LRP1: variants seen among roughly 807,000 people sequenced by gnomAD.
LRP1 encodes LDL receptor related protein 1.
A neutral mutation model predicts 541.5 loss-of-function variants in LRP1; 51 were observed. The ratio of observed to expected loss-of-function variants is 0.09; its 90% CI spans 0.08 to 0.12. The LOEUF is 0.12. Ranked by LOEUF, LRP1 falls within the 10% of genes least tolerant of loss-of-function variation. The pLI is 1.00. For synonymous variants in LRP1, 2,219 were observed against 2,470.8 expected (o/e 0.90, Z 3.02); for missense variants, 3,878 against 6,376.2 (o/e 0.61, Z 13.34).
chr12:57,148,869 G>A lies in LRP1; in HGVS notation c.841+3379G>A, dbSNP rs544309651. ...AAGAAGGAGGTGGCTGGGGAGCTCA[G>A]CAAAGGGCCCCTAGGCTGCAGGCAG... On this transcript the variant is annotated intron_variant, in intron 6 of 88. Transcript: ENST00000243077. 4.3e-5 allele frequency: 21 copies of A among 489,060 alleles called. 1 individual carries two copies. The Admixed American group carries it at 7.7e-4, about 18-fold the overall frequency. The allele number at this position is 489,060 out of a possible 1,614,324, so 30.3% of individuals were successfully genotyped here.
At position 57,180,037 on chromosome 12, in the gene LRP1, C is replaced by T; in HGVS notation, c.5142-10C>T. The T allele has an allele frequency of 6.2e-7, 1 of 1,613,676 alleles. No individual in the cohort carries two copies. The highest frequency in any genetic ancestry group is 8.5e-7 in the Non-Finnish European group (1 of 1,179,752). Reference sequence around the variant, plus strand: ...ACCCTGACCTTTCCCTCTTGGCACCCTCCCCCCAGGAAGCTCTACTGGACC... The same window carrying T: ...ACCCTGACCTTTCCCTCTTGGCACCTTCCCCCCAGGAAGCTCTACTGGACC... On this transcript the variant is annotated splice_polypyrimidine_tract_variant and intron_variant, in intron 30 of 88. Coordinates refer to ENST00000243077, the MANE Select transcript of LRP1 (RefSeq NM_002332.3).
chr12:57,157,805 G>A (rs1408914336), intron 10 of LRP1, among the ~76,000 whole-genome samples: 1 of 152,232 alleles, frequency 6.6e-6, no homozygotes, highest in Non-Finnish European at 1.5e-5. Context: ...TGTGAGTGTG[G>A]CAAGCCAGAG....
Position 57,184,716 on chromosome 12 carries a change from G to A in LRP1, c.6187-123G>A. Reference sequence around the variant, plus strand: ...TGGGCAGGAGTGTATGCAGGAGGCAGGAGTGAGTTAGGGGAGGCTGAACTG... The same window carrying A: ...TGGGCAGGAGTGTATGCAGGAGGCAAGAGTGAGTTAGGGGAGGCTGAACTG... On this transcript the variant is annotated intron_variant, in intron 38 of 88. Transcript: ENST00000243077. The surrounding 1 kb of genome is among the most constrained non-coding windows in gnomAD (Gnocchi z 7.8). The A allele has an allele frequency of 1.8e-6, 2 of 1,112,372 alleles. No individual in the cohort carries two copies. The highest frequency in any genetic ancestry group is 2.6e-6 in the Non-Finnish European group (2 of 781,196). The allele number at this position is 1,112,372 out of a possible 1,614,324, so 68.9% of individuals were successfully genotyped here. A position where few individuals can be genotyped will look rare whatever the true frequency, so the allele number is the denominator to read the frequency against.
At chr12:57,136,396 C>CCG (rs1555179760) in intron 1 of LRP1, among the ~76,000 whole-genome samples, 3 of 18,920 alleles carry the variant, frequency 1.6e-4, no homozygotes, top group Non-Finnish European at 4.0e-4. Context: ...CTCCTAAGAG[C>CCG]CCCCCCCCCC....
rs769076512 is a variant in LRP1 at position 57,201,510 on chromosome 12, C to T, written c.10359C>T (p.Cys3453=). ...EDERDCPEVT[C]APNQFQCSIT... ...CCCACCCCACAGCCGAGGTGACCTG[C>T]GCCCCCAACCAGTTCCAGTGCTCCA... The change falls in exon 66 of 89, where the codon TGC becomes TGT. Residue 3453 remains cysteine (C), a synonymous_variant. Transcript: ENST00000243077. The surrounding 1 kb of genome is among the most constrained non-coding windows in gnomAD (Gnocchi z 6.4). 6.4e-5 allele frequency: 103 copies of T among 1,613,022 alleles called. 2 individuals are homozygous for T. In the South Asian group the frequency reaches 8.6e-4, roughly 13 times the overall value.
chr12:57,153,666 T>A (rs998402251), intron 6 of LRP1, among the ~76,000 whole-genome samples: 13 of 152,202 alleles, frequency 8.5e-5, no homozygotes, highest in African/African-American at 3.1e-4. Flanking sequence ...CCCCCATGGA[T>A]CTTCCCTTTG....
At position 57,179,760 on chromosome 12, in the gene LRP1, G is replaced by T. The variant is rs1425776461; in HGVS notation, c.4967-22G>T. 3 of 1,610,166 alleles carry T rather than the reference G, an allele frequency of 1.9e-6. No homozygotes were observed. The highest frequency in any genetic ancestry group is 1.1e-5 in the South Asian group (1 of 90,780). On this transcript the variant is annotated intron_variant, in intron 29 of 88. Transcript: ENST00000243077. The surrounding 1 kb of genome is among the most constrained non-coding windows in gnomAD (Gnocchi z 6.8). ...ACTGCCCTGCAGACACCCAACAACT[G>T]ACTCCCTACTTGTGCCCCCAGACTT... is the stretch of plus-strand genomic sequence containing the variant.
chr12:57,176,897 G>A, intron 24 of LRP1, 144 bp from the exon 25 acceptor site: 1 of 660,604 alleles, frequency 1.5e-6, no homozygotes, highest in South Asian at 1.8e-5. Context: ...GACAATAGGA[G>A]TCCTACTCTT....
In LRP1 at chr12:57,175,590, C is replaced by T; in HGVS notation, c.3678C>T (p.Tyr1226=). Residue 1226 remains tyrosine (Y), a synonymous_variant, in exon 23 of 89, where the codon TAC becomes TAT. Transcript: ENST00000243077. ...ACCACACCTGCCAGATCCAGAGCTA[C>T]TGTGCCAAGCATCTCAAATGCAGCC... ...PDNHTCQIQS[Y]CAKHLKCSQK... 6.2e-7 allele frequency: 1 copy of T among 1,613,912 alleles called. No individual in the cohort carries two copies. Among genetic ancestry groups the T allele is most frequent in the Non-Finnish European group, 8.5e-7 (1 of 1,179,806 alleles).
rs1368425330 is a variant in LRP1, at chr12:57,185,090, C to T, written c.6348C>T (p.Ala2116=). The T allele has an allele frequency of 5.6e-6, 9 of 1,614,018 alleles. No individual in the cohort carries two copies. The highest frequency in any genetic ancestry group is 4.4e-5 in the South Asian group (4 of 91,078). ...DFIYWSDRTH[A]NGSIKRGSKD... is the part of the protein sequence containing the mutation. ...CCTGTCCTTCCCTCAGGACTCATGC[C>T]AACGGCTCTATCAAGCGCGGGAGCA... The change falls in exon 40 of 89, where the codon GCC becomes GCT. Residue 2116 remains alanine, a synonymous_variant. Transcript: ENST00000243077. The surrounding 1 kb of genome is among the most constrained non-coding windows in gnomAD (Gnocchi z 4.9).
chr12:57,170,756 C>T (rs1321902058), intron 20 of LRP1, among the ~76,000 whole-genome samples: 6 of 152,086 alleles, frequency 3.9e-5, no homozygotes, highest in Admixed American at 3.3e-4. Flanking sequence ...GTTGAGGCTG[C>T]AGTGAGCTGT....
At chr12:57,194,303 G>A (rs770835498) in intron 48 of LRP1, 51 bp from the exon 49 acceptor site, 37 of 1,500,724 alleles carry the variant, frequency 2.5e-5, no homozygotes, top group Non-Finnish European at 3.0e-5. Context: ...TGCCCCAGTC[G>A]GGGGTGATCC....
chr12:57,185,331 G>T lies in LRP1; in HGVS notation c.6463+126G>T. 2.1e-6 allele frequency: 3 copies of T among 1,422,164 alleles called. No homozygotes were observed. Among genetic ancestry groups the T allele is most frequent in the Non-Finnish European group, 2.9e-6 (3 of 1,045,800 alleles). The allele number at this position is 1,422,164 out of a possible 1,614,324, so 88.1% of individuals were successfully genotyped here. On this transcript the variant is annotated intron_variant, in intron 40 of 88. Coordinates refer to ENST00000243077, the MANE Select transcript of LRP1 (RefSeq NM_002332.3). The surrounding 1 kb of genome is among the most constrained non-coding windows in gnomAD (Gnocchi z 4.9). The stretch of plus-strand genomic sequence containing the variant: ...TAGACCCATGGGGCAACTTCCGATG[G>T]CCCGAGAGACCCAGGGATGGGGAGG...
chr12:57,176,437 G>A (rs143673042), intron 24 of LRP1, among the ~76,000 whole-genome samples: 7 of 152,316 alleles, frequency 4.6e-5, no homozygotes, highest in South Asian at 2.1e-4. Context: ...CCCAGGCAGC[G>A]TGGTGCACCC....
rs756855015 is a variant in LRP1 at position 57,167,023 on chromosome 12, G to A, written c.2891G>A (p.Arg964His). ...GATCTGGATGACGACTGTGGGGACC[G>A]CTCTGATGAGTCTGCTTCGTGTGGT... ...TCDLDDDCGDRSDESASCAYP... is the reference protein window; with the variant it reads ...TCDLDDDCGDHSDESASCAYP... Residue 964 changes from arginine (R) to histidine (H), a missense_variant, in exon 18 of 89, where the codon CGC (arginine) becomes CAC (histidine). Arg to His is a conservative substitution (Grantham distance 29, BLOSUM62 0). Coordinates refer to ENST00000243077, the MANE Select transcript of LRP1 (RefSeq NM_002332.3). 2.5e-6 allele frequency: 4 copies of A among 1,613,848 alleles called. No individual in the cohort carries two copies. The highest frequency in any genetic ancestry group is 1.3e-5 in the African/African-American group (1 of 74,910).
Position 57,187,446 on chromosome 12 carries a change from G to A in LRP1, c.7021G>A (p.Glu2341Lys), listed in dbSNP as rs1555185796. Residue 2341 changes from glutamate to lysine, a missense_variant, in exon 42 of 89, where the codon GAG (glutamate) becomes AAG (lysine). Physicochemically the swap from Glu to Lys is moderately conservative, Grantham distance 56 (BLOSUM62 1). Transcript: ENST00000243077. ...CCACCCACGGGCCTTCGTTTTGGAC[G>A]AGTGCCAGAAGTGAGCTGCTGCCTG... ...DDHPRAFVLD[E>K]CQNLMFWTNW... 6.2e-7 allele frequency: 1 copy of A among 1,613,180 alleles called. No individual in the cohort carries two copies. The highest frequency in any genetic ancestry group is 8.5e-7 in the Non-Finnish European group (1 of 1,179,588).
chr12:57,184,999 T>C lies in LRP1; in HGVS notation c.6338+9T>C, dbSNP rs996060286. 9.3e-6 allele frequency: 15 copies of C among 1,613,900 alleles called. No individual in the cohort carries two copies. The highest frequency in any genetic ancestry group is 1.1e-5 in the Non-Finnish European group (13 of 1,179,920). ...ATCTACTGGAGTGACAGGTGAGGGC[T>C]TCTGTCCTGGCCTCCTCAGCTGATC... On this transcript the variant is annotated intron_variant, in intron 39 of 88. Transcript: ENST00000243077. The surrounding 1 kb of genome is among the most constrained non-coding windows in gnomAD (Gnocchi z 7.8).
At chr12:57,144,851 T>G (rs1358212051) in intron 4 of LRP1, 121 bp from the exon 5 acceptor site, 6 of 980,046 alleles carry the variant, frequency 6.1e-6, no homozygotes, top group Non-Finnish European at 4.8e-6. Flanking sequence ...TGTAATAGAT[T>G]CTGCCGAACT....
In LRP1 at chr12:57,184,480, C is replaced by T. The variant is rs745797669; in HGVS notation, c.6186+28C>T. The T allele has an allele frequency of 9.3e-6, 15 of 1,613,538 alleles. No homozygotes were observed. The highest frequency in any genetic ancestry group is 1.3e-5 in the African/African-American group (1 of 74,926). The stretch of plus-strand genomic sequence containing the variant: ...TCGCACGCCAACTTGGCCTTGGATC[C>T]GATGGTAGACCCCTGACCCAGGCTC... On this transcript the variant is annotated intron_variant, in intron 38 of 88. Transcript: ENST00000243077. This position sits in a 1 kb window ranked among gnomAD's most constrained non-coding sequence, Gnocchi z 7.8.
Sources: allele counts gnomAD v4.1 joint callset (sites outside exome capture counted in the v4.1 genomes callset), GRCh38; gene constraint gnomAD v4.1.1; non-coding constraint Gnocchi (gnomAD v3.1); transcripts MANE v1.5; gene names NCBI Gene and HGNC (gene_info 2026-07-23, HGNC 2026-07-21).